The following UBE3C variants were observed in gnomAD, a reference collection of about 807,000 sequenced individuals.
UBE3C encodes the protein ubiquitin-protein ligase E3C.
A neutral mutation model predicts 129.4 loss-of-function variants in UBE3C; 42 were observed. The observed-to-expected ratio is 0.32, with a 90% CI of 0.25 to 0.42. UBE3C has a LOEUF of 0.42. UBE3C is among the 10% of genes least tolerant of loss of function. UBE3C has a pLI of 1.00. For missense variants in UBE3C, 1,049 were observed against 1,319.1 expected, an observed-to-expected ratio of 0.80 and a Z score of 3.17; for synonymous variants, 510 against 492.4, an observed-to-expected ratio of 1.04 and a Z score of -0.47.
intron 10 of UBE3C, among the ~76,000 whole-genome samples, chr7:157,187,699 C>G (rs1808849083): frequency 6.6e-6 from 1 of 151,874 alleles, no homozygotes; most frequent in Admixed American, 6.6e-5. Flanking sequence ...GCCTCAGCCT[C>G]CCGAGTAGCT....
chr7:157,237,259 G>A (rs1796176611), intron 18 of UBE3C, among the ~76,000 whole-genome samples: 1 of 151,798 alleles, frequency 6.6e-6, no homozygotes, highest in Non-Finnish European at 1.5e-5. Flanking sequence ...GGCTAACACG[G>A]TGAAACCCCA....
chr7:157,170,173 A>T, intron 3 of UBE3C, 131 bp from the exon 4 acceptor site: 1 of 775,724 alleles, frequency 1.3e-6, no homozygotes, highest in Non-Finnish European at 1.8e-6. Context: ...AACTGTGAGC[A>T]AGGACCGATA....
At chr7:157,247,359 T>C (rs1198344350) in intron 18 of UBE3C, among the ~76,000 whole-genome samples, 1 of 152,212 alleles carries the variant, frequency 6.6e-6, no homozygotes, top group Non-Finnish European at 1.5e-5. Context: ...ACCTAGTAAG[T>C]GCTCAAGGAA....
At chr7:157,208,228 C>A (rs753698802) in intron 13 of UBE3C, among the ~76,000 whole-genome samples, 1 of 151,792 alleles carries the variant, frequency 6.6e-6, no homozygotes. Flanking sequence ...GCACATGCCA[C>A]CACACCCAGC....
intron 18 of UBE3C, among the ~76,000 whole-genome samples, chr7:157,245,951 A>G (rs1420514235): frequency 7.3e-6 from 1 of 137,874 alleles, no homozygotes; most frequent in African/African-American, 2.7e-5. Context: ...AGATCGTGCC[A>G]CTGCACACTC....
At chr7:157,160,275 A>G (rs1479202685) in intron 1 of UBE3C, among the ~76,000 whole-genome samples, 3 of 152,160 alleles carry the variant, frequency 2.0e-5, no homozygotes, top group East Asian at 1.9e-4. Flanking sequence ...GGGTTCCACC[A>G]TGTAGGTCAG....
intron 21 of UBE3C, 103 bp from the exon 22 acceptor site, chr7:157,256,811 A>G: frequency 6.8e-7 from 1 of 1,461,776 alleles, no homozygotes; most frequent in Non-Finnish European, 9.3e-7. Flanking sequence ...GGACTTGAGG[A>G]TCCATGGACT....
intron 1 of UBE3C, among the ~76,000 whole-genome samples, chr7:157,163,217 C>G (rs1041383422): frequency 2.0e-5 from 3 of 151,752 alleles, no homozygotes; most frequent in Non-Finnish European, 4.4e-5. Context: ...AACCCCGTCT[C>G]TACTAAAAAA....
chr7:157,175,743 T>G (rs1808498978), intron 5 of UBE3C, among the ~76,000 whole-genome samples: 1 of 152,192 alleles, frequency 6.6e-6, no homozygotes, highest in Admixed American at 6.5e-5. Context: ...ATAAAGAACC[T>G]ATTAGAAGAG....
chr7:157,175,859 C>G (rs916824601), intron 5 of UBE3C, among the ~76,000 whole-genome samples: 3 of 152,088 alleles, frequency 2.0e-5, no homozygotes, highest in Non-Finnish European at 4.4e-5. Flanking sequence ...TTTTGTGAAG[C>G]AGGAGTTTGC....
rs554482656 is a variant in UBE3C, at chr7:157,247,624, G to A, written c.2482-744G>A. Among the ~76,000 whole-genome samples, 29 of 152,138 alleles carry A rather than the reference G, an allele frequency of 1.9e-4. 1 individual carries two copies. In the South Asian group the frequency reaches 5.6e-3, roughly 29 times the overall value. ...GGAGAATCGCTTGAACCTGGGAGGC[G>A]GAGGTTGCAGTGAGCTGAGATCGCG... On this transcript the variant is annotated intron_variant, in intron 18 of 22. Transcript: ENST00000348165.
chr7:157,204,175 C>G (rs1363044202), intron 11 of UBE3C, among the ~76,000 whole-genome samples: 1 of 152,118 alleles, frequency 6.6e-6, no homozygotes, highest in African/African-American at 2.4e-5. Context: ...GTAAATGTCT[C>G]ATATTTCCTA....
At chr7:157,263,509 C>A (rs375894842) in intron 22 of UBE3C, among the ~76,000 whole-genome samples, 1 of 152,046 alleles carries the variant, frequency 6.6e-6, no homozygotes, top group Non-Finnish European at 1.5e-5. Flanking sequence ...ACTAAAAATA[C>A]AAAAATTAGC....
In UBE3C at chr7:157,241,829, G is replaced by A. The variant is rs137913944; in HGVS notation, c.2482-6539G>A. On this transcript the variant is annotated intron_variant, in intron 18 of 22. Coordinates refer to ENST00000348165, the MANE Select transcript of UBE3C (RefSeq NM_014671.3). The stretch of plus-strand genomic sequence containing the variant: ...CCATACAGTGGACTATTACTGGGCC[G>A]TAAAAAGGGGTAAAGCACTGACACA... Among the ~76,000 whole-genome samples the A allele has an allele frequency of 5.1e-4, 77 of 152,350 alleles. 1 individual carries two copies. Among genetic ancestry groups the A allele is most frequent in the African/African-American group, 1.7e-3 (71 of 41,574 alleles).
chr7:157,213,284 ATAAC>A (rs1190382728), intron 13 of UBE3C, among the ~76,000 whole-genome samples: 4 of 152,230 alleles, frequency 2.6e-5, no homozygotes, highest in Non-Finnish European at 5.9e-5. Flanking sequence ...CTTACTTCAT[ATAAC>A]TTACCACACT....
rs183587069 is a variant in UBE3C at position 157,257,588 on chromosome 7, T to C, written c.3081+544T>C. Among the ~76,000 whole-genome samples, 86 of 151,818 alleles carry C rather than the reference T, an allele frequency of 5.7e-4. No homozygotes were observed. In the East Asian group the frequency reaches 0.016, roughly 28 times the overall value. On this transcript the variant is annotated intron_variant, in intron 22 of 22. Transcript: ENST00000348165. ...TGTCTTTGCTAAAAATACAGAAAAATGAGCCAGGCATGGTGCCCTGTGCCT... is the reference window on the plus strand; with the variant it reads ...TGTCTTTGCTAAAAATACAGAAAAACGAGCCAGGCATGGTGCCCTGTGCCT...
chr7:157,205,050 A>G (rs993234057), intron 11 of UBE3C, among the ~76,000 whole-genome samples: 2 of 152,218 alleles, frequency 1.3e-5, no homozygotes, highest in African/African-American at 4.8e-5. Flanking sequence ...TGTGTGAATC[A>G]GTGTCTTTTC....
At chr7:157,173,824 A>C (rs1808443782) in intron 4 of UBE3C, among the ~76,000 whole-genome samples, 1 of 152,212 alleles carries the variant, frequency 6.6e-6, no homozygotes, top group South Asian at 2.1e-4. Flanking sequence ...AAATGTGGGC[A>C]AGGTGGCTCC....
intron 1 of UBE3C, among the ~76,000 whole-genome samples, chr7:157,141,339 C>G (rs1469281455): frequency 6.6e-6 from 1 of 152,194 alleles, no homozygotes; most frequent in Non-Finnish European, 1.5e-5. Flanking sequence ...AGAGGCTCCC[C>G]TGCACTCTCA....
Sources: gnomAD v4.1 joint callset for allele counts (sites outside exome capture counted in the v4.1 genomes callset) on GRCh38, gnomAD v4.1.1 for gene constraint, MANE v1.5 for transcripts, NCBI Gene and HGNC (gene_info 2026-07-23, HGNC 2026-07-21) for gene names.